OPCML: variants seen among roughly 807,000 people sequenced by gnomAD.
The protein encoded by OPCML is opioid binding protein/cell adhesion molecule like, also known as opioid-binding protein/cell adhesion molecule.
A neutral mutation model predicts 37.8 loss-of-function variants in OPCML; 13 were observed. The ratio of observed to expected loss-of-function variants is 0.34; its 90% CI spans 0.22 to 0.55. OPCML has a LOEUF of 0.55. OPCML is among the 20% of genes least tolerant of loss of function. OPCML has a pLI of 0.91. For synonymous variants in OPCML, 176 were observed against 168.8 expected (o/e 1.04, Z -0.33); for missense variants, 341 against 435.6 (o/e 0.78, Z 1.93).
At chr11:132,928,836 A>G (rs1479704228) in intron 2 of OPCML, among the ~76,000 whole-genome samples, 1 of 152,056 alleles carries the variant, frequency 6.6e-6, no homozygotes, top group East Asian at 1.9e-4. Context: ...AAATCTACAA[A>G]TATGTGTGAA....
chr11:132,508,271 G>A (rs2096261654), intron 4 of OPCML, among the ~76,000 whole-genome samples: 1 of 152,124 alleles, frequency 6.6e-6, no homozygotes, highest in Non-Finnish European at 1.5e-5. Context: ...TAACATTACA[G>A]ACCAATTGCC....
chr11:133,070,455 G>A (rs1448254175), intron 1 of OPCML, among the ~76,000 whole-genome samples: 1 of 152,156 alleles, frequency 6.6e-6, no homozygotes, highest in African/African-American at 2.4e-5. Flanking sequence ...TCGCCTGGGA[G>A]AAAGTGAATG....
intron 1 of OPCML, among the ~76,000 whole-genome samples, chr11:133,098,167 G>A (rs184658284): frequency 5.1e-4 from 77 of 151,248 alleles, no homozygotes; most frequent in South Asian, 1.9e-3. Context: ...AGAAATATAC[G>A]CTGCTACCAA....
chr11:133,484,026 C>T (rs967505714), intron 1 of OPCML, among the ~76,000 whole-genome samples: 1 of 133,078 alleles, frequency 7.5e-6, no homozygotes. Context: ...AATAGATGGA[C>T]AGATTAGATA....
chr11:133,413,699 A>T (rs765497431), intron 1 of OPCML, among the ~76,000 whole-genome samples: 7 of 151,810 alleles, frequency 4.6e-5, no homozygotes, highest in Non-Finnish European at 1.0e-4. Context: ...GTCCTCCTTA[A>T]CTCCAAGCCT....
intron 1 of OPCML, among the ~76,000 whole-genome samples, chr11:133,326,906 GGTGTGTGGGGCGGCGAGTGT>G: frequency 1.4e-5 from 2 of 145,864 alleles, no homozygotes; most frequent in Non-Finnish European, 3.0e-5. Flanking sequence ...TGTGGGTGAG[GGTGTGTGGGGCGGCGAGTGT>G]GTGTGTGGGG....
At chr11:132,724,817 T>C (rs182014316) in intron 2 of OPCML, among the ~76,000 whole-genome samples, 2 of 152,180 alleles carry the variant, frequency 1.3e-5, no homozygotes, top group Non-Finnish European at 1.5e-5. Flanking sequence ...ACAGGCCCCA[T>C]GCAAGTCTGA....
At chr11:132,920,443 C>A (rs895220476) in intron 2 of OPCML, among the ~76,000 whole-genome samples, 1 of 152,136 alleles carries the variant, frequency 6.6e-6, no homozygotes, top group African/African-American at 2.4e-5. Flanking sequence ...CGGGAGAGGG[C>A]AAAAGAGCAT....
At chr11:132,954,586 T>C (rs1161556713) in intron 1 of OPCML, among the ~76,000 whole-genome samples, 2 of 152,144 alleles carry the variant, frequency 1.3e-5, no homozygotes, top group African/African-American at 4.8e-5. Context: ...GCGTTAAACA[T>C]TGAACTTGAG....
chr11:132,735,984 A>G (rs1176855685), intron 2 of OPCML, among the ~76,000 whole-genome samples: 1 of 152,222 alleles, frequency 6.6e-6, no homozygotes, highest in Non-Finnish European at 1.5e-5. Flanking sequence ...CCCAGACGAC[A>G]GAGCTAAGAA....
At chr11:132,933,074 G>T (rs953077695) in intron 2 of OPCML, among the ~76,000 whole-genome samples, 1 of 152,098 alleles carries the variant, frequency 6.6e-6, no homozygotes, top group Admixed American at 6.5e-5. Context: ...TATAATCAAG[G>T]ACATTCTATG....
chr11:133,200,753 C>G (rs1156857958), intron 1 of OPCML, among the ~76,000 whole-genome samples: 1 of 152,068 alleles, frequency 6.6e-6, no homozygotes, highest in Admixed American at 6.5e-5. Flanking sequence ...ATAAAACTAC[C>G]ATTCAACCCA....
At chr11:133,389,773 A>C (rs138260856) in intron 1 of OPCML, among the ~76,000 whole-genome samples, 198 of 152,300 alleles carry the variant, frequency 1.3e-3, no homozygotes, top group Middle Eastern at 3.4e-3. Flanking sequence ...CTCCATACAT[A>C]GATGCAGGGC....
At chr11:133,118,035 G>A in intron 1 of OPCML, 4 of 734,228 alleles carry the variant, frequency 5.4e-6, no homozygotes, top group South Asian at 1.2e-4. Flanking sequence ...GGGGTGTGAA[G>A]TTTCCCCAGC....
chr11:132,738,566 G>A (rs1945332146), intron 2 of OPCML, among the ~76,000 whole-genome samples: 1 of 152,136 alleles, frequency 6.6e-6, no homozygotes, highest in African/African-American at 2.4e-5. Context: ...GGAACATATA[G>A]CTTGTCCTCC....
At chr11:132,586,744 C>T (rs1427236035) in intron 3 of OPCML, among the ~76,000 whole-genome samples, 1 of 152,110 alleles carries the variant, frequency 6.6e-6, no homozygotes, top group Non-Finnish European at 1.5e-5. Flanking sequence ...ACATTGGAGG[C>T]TCTGGTAAGG....
intron 1 of OPCML, among the ~76,000 whole-genome samples, chr11:133,380,989 G>T (rs1019907338): frequency 3.3e-5 from 5 of 152,222 alleles, no homozygotes; most frequent in African/African-American, 1.2e-4. Flanking sequence ...TGCATGGAGG[G>T]AAGGCAAGGA....
intron 4 of OPCML, among the ~76,000 whole-genome samples, chr11:132,448,226 A>C (rs2096060319): frequency 6.6e-6 from 1 of 152,154 alleles, no homozygotes; most frequent in Admixed American, 6.5e-5. Context: ...CTTTCCTTTT[A>C]TTTGATGCTG....
At chr11:132,649,369 C>T (rs1008365452) in intron 3 of OPCML, among the ~76,000 whole-genome samples, 9 of 152,084 alleles carry the variant, frequency 5.9e-5, no homozygotes, top group African/African-American at 1.7e-4. Context: ...TGAAGGTCAA[C>T]GTCAATTATA....
Sources: gnomAD v4.1 joint callset for allele counts (sites outside exome capture counted in the v4.1 genomes callset) on GRCh38, gnomAD v4.1.1 for gene constraint, MANE v1.5 for transcripts, NCBI Gene and HGNC (gene_info 2026-07-23, HGNC 2026-07-21) for gene names.